Variants in BCHE observed in about 807,000 individuals in gnomAD.
BCHE encodes the protein cholinesterase.
A neutral mutation model predicts 51.3 loss-of-function variants in BCHE; 48 were observed. The observed-to-expected ratio is 0.94, with a 90% CI of 0.74 to 1.19. The LOEUF is 1.19. Ranked by LOEUF, BCHE falls within the 50% of genes most tolerant of loss-of-function variation. The pLI is 0.00. For missense variants in BCHE, 847 were observed against 708.2 expected, an observed-to-expected ratio of 1.20 and a Z score of -2.23; for synonymous variants, 251 against 238.0, an observed-to-expected ratio of 1.05 and a Z score of -0.50.
intron 2 of BCHE, among the ~76,000 whole-genome samples, chr3:165,803,381 T>C (rs1713741462): frequency 6.6e-6 from 1 of 152,206 alleles, no homozygotes; most frequent in African/African-American, 2.4e-5. Flanking sequence ...TAACTCATTC[T>C]ATTCACTTGC....
At position 165,786,214 on chromosome 3, in the gene BCHE, T is replaced by C. The variant is rs1712944581; in HGVS notation, c.1615A>G (p.Met539Val). 2 of 1,612,284 alleles carry C rather than the reference T, an allele frequency of 1.2e-6. No homozygotes were observed. Among genetic ancestry groups the C allele is most frequent in the Admixed American group, 1.7e-5 (1 of 59,886 alleles). ...CATTGTTGAGCACGTAGTTTCGTCA[T>C]TATTCTTGTTGACTCTGTATTCAAG... ...LTLNTESTRI[M>V]TKLRAQQCRF... Residue 539 changes from methionine (M) to valine (V), a missense_variant, in exon 3 of 4, where the codon ATG becomes GTG. Met to Val is a conservative substitution (Grantham distance 21, BLOSUM62 1). Coordinates refer to ENST00000264381, the MANE Select transcript of BCHE (RefSeq NM_000055.4).
chr3:165,814,456 T>G (rs894552906), intron 2 of BCHE, among the ~76,000 whole-genome samples: 11 of 152,262 alleles, frequency 7.2e-5, no homozygotes, highest in African/African-American at 2.6e-4. Context: ...GTTAATAGTT[T>G]AGTTTTTGCT....
intron 2 of BCHE, among the ~76,000 whole-genome samples, chr3:165,823,170 G>A (rs1477099840): frequency 6.6e-6 from 1 of 152,038 alleles, no homozygotes; most frequent in East Asian, 1.9e-4. Context: ...TTAAAACACT[G>A]AAACCAAAGA....
intron 2 of BCHE, among the ~76,000 whole-genome samples, chr3:165,817,881 A>G (rs1714369650): frequency 6.6e-6 from 1 of 152,134 alleles, no homozygotes; most frequent in Non-Finnish European, 1.5e-5. Context: ...TGAGGCATGG[A>G]GAACAGAGAG....
intron 2 of BCHE, among the ~76,000 whole-genome samples, chr3:165,807,540 T>G (rs1378358459): frequency 6.6e-6 from 1 of 151,110 alleles, no homozygotes; most frequent in Admixed American, 6.6e-5. Context: ...ATTTATTTAT[T>G]TATTTATTTT....
chr3:165,781,144 A>G (rs946541449), intron 3 of BCHE, among the ~76,000 whole-genome samples: 1 of 152,068 alleles, frequency 6.6e-6, no homozygotes, highest in African/African-American at 2.4e-5. Context: ...CCAGCTACTC[A>G]GGAGGCTGAG....
At chr3:165,792,201 A>G (rs1713195161) in intron 2 of BCHE, among the ~76,000 whole-genome samples, 1 of 152,048 alleles carries the variant, frequency 6.6e-6, no homozygotes, top group Non-Finnish European at 1.5e-5. Flanking sequence ...TGAAAAAATA[A>G]CAAAAGTTAG....
intron 1 of BCHE, among the ~76,000 whole-genome samples, chr3:165,836,525 T>C (rs1393499340): frequency 6.6e-6 from 1 of 152,008 alleles, no homozygotes; most frequent in Non-Finnish European, 1.5e-5. Context: ...CTTTTAGTCA[T>C]TCATAGATTT....
chr3:165,773,765 A>G (rs1035848939), intron 3 of BCHE, among the ~76,000 whole-genome samples: 2 of 148,238 alleles, frequency 1.3e-5, no homozygotes, highest in African/African-American at 4.9e-5. Context: ...ATGAGTTTAT[A>G]TATTGTATTA....
At position 165,776,963 on chromosome 3, in the gene BCHE, G is replaced by A. The variant is rs138046090; in HGVS notation, c.1685-3457C>T. Among the ~76,000 whole-genome samples, 315 of 151,586 alleles carry A rather than the reference G, an allele frequency of 2.1e-3. 1 individual carries two copies. The highest frequency in any genetic ancestry group is 7.2e-3 in the African/African-American group (300 of 41,400). On this transcript the variant is annotated intron_variant, in intron 3 of 3. Transcript: ENST00000264381. ...ATTTAAATAATACATGTAAAATACG[G>A]TAATATAGAGAAGTGAAGATAAAAG... is the stretch of plus-strand genomic sequence containing the variant.
rs1741687748 is a variant in BCHE, at chr3:165,829,539, A to G, written c.1495T>C (p.Trp499Arg). The G allele has an allele frequency of 3.7e-6, 6 of 1,613,650 alleles. No individual in the cohort carries two copies. The highest frequency in any genetic ancestry group is 5.1e-6 in the Non-Finnish European group (6 of 1,179,740). ...EILSRSIVKR[W>R]ANFAKYGNPN... Reference sequence around the variant, plus strand: ...TACCCATATTTTGCAAAATTTGCCCACCGTTTCACTATGGATCTACTCAAA... The same window carrying G: ...TACCCATATTTTGCAAAATTTGCCCGCCGTTTCACTATGGATCTACTCAAA... Residue 499 changes from tryptophan (W) to arginine (R), a missense_variant, in exon 2 of 4, where the codon TGG becomes CGG. Coordinates refer to ENST00000264381, the MANE Select transcript of BCHE (RefSeq NM_000055.4).
Position 165,830,947 on chromosome 3 carries a change from T to C in BCHE, c.87A>G (p.Glu29=). The change falls in exon 2 of 4, where the codon GAA becomes GAG. Residue 29 remains glutamate, a synonymous_variant. Coordinates refer to ENST00000264381, the MANE Select transcript of BCHE (RefSeq NM_000055.4). ...TCTTTGTTGCAATTATGATGTCATC[T>C]TCAGTATGTGACTTCCCAATAAGCA... ...LCMLIGKSHT[E]DDIIIATKNG... is the part of the protein sequence containing the mutation. 1 of 1,613,854 alleles carries C rather than the reference T, an allele frequency of 6.2e-7. No individual in the cohort carries two copies. Among genetic ancestry groups the C allele is most frequent in the Non-Finnish European group, 8.5e-7 (1 of 1,179,892 alleles).
chr3:165,812,089 A>G (rs1212306094), intron 2 of BCHE, among the ~76,000 whole-genome samples: 1 of 152,048 alleles, frequency 6.6e-6, no homozygotes, highest in Non-Finnish European at 1.5e-5. Context: ...GACCACCTGA[A>G]TTACATCAGG....
intron 2 of BCHE, among the ~76,000 whole-genome samples, chr3:165,827,756 G>C (rs1054702723): frequency 5.7e-4 from 86 of 152,034 alleles, no homozygotes; most frequent in Admixed American, 1.3e-4. Flanking sequence ...TTGAGGGAGA[G>C]AGCAGAATGA....
At chr3:165,803,442 A>G (rs1270119631) in intron 2 of BCHE, among the ~76,000 whole-genome samples, 1 of 152,188 alleles carries the variant, frequency 6.6e-6, no homozygotes, top group African/African-American at 2.4e-5. Context: ...TTCTAAAAAA[A>G]ATAAAAAGTC....
intron 2 of BCHE, among the ~76,000 whole-genome samples, chr3:165,810,212 T>C (rs949454044): frequency 6.6e-6 from 1 of 152,204 alleles, no homozygotes; most frequent in Admixed American, 6.5e-5. Context: ...GTGTTAGTTA[T>C]CTTCAGTTAC....
chr3:165,836,433 AT>A (rs1715190768), intron 1 of BCHE, among the ~76,000 whole-genome samples: 1 of 151,834 alleles, frequency 6.6e-6, no homozygotes, highest in Non-Finnish European at 1.5e-5. Flanking sequence ...AAATATATTC[AT>A]AAAAATGTAG....
intron 3 of BCHE, among the ~76,000 whole-genome samples, chr3:165,774,771 C>T (rs1712401545): frequency 6.6e-6 from 1 of 152,072 alleles, no homozygotes; most frequent in African/African-American, 2.4e-5. Flanking sequence ...AAAGTATATG[C>T]ATGTGTTAGG....
intron 2 of BCHE, among the ~76,000 whole-genome samples, chr3:165,805,235 G>A (rs1374383421): frequency 6.6e-6 from 1 of 151,986 alleles, no homozygotes; most frequent in Non-Finnish European, 1.5e-5. Context: ...TATGGTACAC[G>A]AATAGCAGAA....
Sources: gnomAD v4.1 joint callset for allele counts (sites outside exome capture counted in the v4.1 genomes callset) on GRCh38, gnomAD v4.1.1 for gene constraint, MANE v1.5 for transcripts, NCBI Gene and HGNC (gene_info 2026-07-23, HGNC 2026-07-21) for gene names.